SQLE: variants seen among roughly 807,000 people sequenced by gnomAD.
SQLE encodes squalene epoxidase.
A neutral mutation model predicts 60.7 loss-of-function variants in SQLE; 29 were observed. That is an observed-to-expected ratio of 0.48 (90% CI 0.36 to 0.65). The LOEUF (loss-of-function observed/expected upper bound fraction) is 0.65. SQLE is among the 30% of genes least tolerant of loss of function. SQLE has a pLI of 0.00. For missense variants in SQLE, 605 were observed against 684.1 expected, an observed-to-expected ratio of 0.88 and a Z score of 1.29; for synonymous variants, 237 against 246.8, an observed-to-expected ratio of 0.96 and a Z score of 0.37.
chr8:125,015,734 CCTTTT>C (rs1815100803), intron 7 of SQLE, among the ~76,000 whole-genome samples: 1 of 152,082 alleles, frequency 6.6e-6, no homozygotes, highest in African/African-American at 2.4e-5. Flanking sequence ...TCGTTAAGGT[CCTTTT>C]CTTTTAGATT....
intron 8 of SQLE, 73 bp downstream of exon 8, chr8:125,018,274 G>C: frequency 6.8e-7 from 1 of 1,475,614 alleles, no homozygotes; most frequent in Non-Finnish European, 9.3e-7. Flanking sequence ...GTGGGGCTCT[G>C]ATGGGGAGAT....
intron 6 of SQLE, chr8:125,010,938 T>G (rs946816718): frequency 6.6e-5 from 10 of 152,070 alleles, no homozygotes; most frequent in Non-Finnish European, 1.0e-4. Flanking sequence ...TGCTCCTCTA[T>G]TCCCAGATCA....
intron 3 of SQLE, 91 bp downstream of exon 3, chr8:125,005,796 A>G: frequency 8.7e-7 from 1 of 1,150,530 alleles, no homozygotes; most frequent in Non-Finnish European, 1.2e-6. Context: ...AATTTTAATG[A>G]ATTTTTGGGG....
chr8:125,020,389 C>T (rs145008716), intron 9 of SQLE, among the ~76,000 whole-genome samples: 435 of 152,280 alleles, frequency 2.9e-3, no homozygotes, highest in African/African-American at 9.7e-3. Context: ...GCTCTCTTCA[C>T]TTGATAATTT....
At chr8:125,012,469 C>A (rs1302854483) in intron 7 of SQLE, among the ~76,000 whole-genome samples, 2 of 152,150 alleles carry the variant, frequency 1.3e-5, no homozygotes, top group Non-Finnish European at 2.9e-5. Context: ...CTTTCTGTGT[C>A]TAGATTTGTC....
chr8:125,020,644 G>C (rs1448875982), intron 9 of SQLE, 140 bp from the exon 10 acceptor site: 1 of 586,174 alleles, frequency 1.7e-6, no homozygotes, highest in Admixed American at 2.8e-5. Flanking sequence ...AAGAAATCCT[G>C]GTTGTTGAAA....
chr8:125,017,902 T>C (rs1254505551), intron 7 of SQLE, 157 bp from the exon 8 acceptor site: 6 of 843,366 alleles, frequency 7.1e-6, no homozygotes, highest in Middle Eastern at 3.6e-4. Context: ...ACTCTTGAAT[T>C]TTTGCCTCAG....
chr8:125,003,934 C>T (rs13263702), intron 2 of SQLE, among the ~76,000 whole-genome samples: 27,798 of 151,708 alleles, frequency 0.18, 3,033 homozygotes, highest in Middle Eastern at 0.34. Flanking sequence ...CACAAAGAAG[C>T]AAGCCCTCCC....
At position 125,016,473 on chromosome 8, in the gene SQLE, G is replaced by T. The variant is rs1333454254; in HGVS notation, c.1205-1586G>T. On this transcript the variant is annotated intron_variant, in intron 7 of 10. Transcript: ENST00000265896. The surrounding 1 kb of genome is among the most constrained non-coding windows in gnomAD (Gnocchi z 4.1). Reference sequence around the variant, plus strand: ...TCTTTTAAATTATTTCAGTTGTTTTGTTAAACTTACCTGATAGCATTCTGA... The same window carrying T: ...TCTTTTAAATTATTTCAGTTGTTTTTTTAAACTTACCTGATAGCATTCTGA... 6.6e-6 allele frequency among the ~76,000 whole-genome samples: 1 copy of T among 151,914 alleles called. No homozygotes were observed. The highest frequency in any genetic ancestry group is 1.9e-4 in the East Asian group (1 of 5,190).
chr8:125,007,796 T>C (rs1814978294), intron 4 of SQLE, among the ~76,000 whole-genome samples: 1 of 152,216 alleles, frequency 6.6e-6, no homozygotes, highest in Non-Finnish European at 1.5e-5. Context: ...GTGTTATTTA[T>C]CAAATGAACT....
At position 125,003,437 on chromosome 8, in the gene SQLE, A is replaced by G. The variant is rs1384254911; in HGVS notation, c.544+9A>G. Reference sequence around the variant, plus strand: ...AGACCTTGGTCTTGGAGGTAGGTTCATATTGATTTTCAGGAGAGTTACGTG... The same window carrying G: ...AGACCTTGGTCTTGGAGGTAGGTTCGTATTGATTTTCAGGAGAGTTACGTG... On this transcript the variant is annotated intron_variant, in intron 2 of 10. Coordinates refer to ENST00000265896, the MANE Select transcript of SQLE (RefSeq NM_003129.4). 2 of 1,613,038 alleles carry G rather than the reference A, an allele frequency of 1.2e-6. No homozygotes were observed. Among genetic ancestry groups the G allele is most frequent in the African/African-American group, 1.3e-5 (1 of 74,976 alleles).
chr8:125,021,669 G>C (rs1815207514), intron 10 of SQLE, 84 bp from the exon 11 acceptor site: 1 of 979,960 alleles, frequency 1.0e-6, no homozygotes, highest in East Asian at 2.7e-5. Context: ...TGTTTGTTGA[G>C]CTTCGTAGAT....
chr8:124,998,654 G>C lies in SQLE; in HGVS notation c.-750G>C. Reference sequence around the variant, plus strand: ...CGCCGCCATCTGAGGGAGGTACCCTGGAAACCACCTTTTATCGGTGGGGAA... The same window carrying C: ...CGCCGCCATCTGAGGGAGGTACCCTCGAAACCACCTTTTATCGGTGGGGAA... On this transcript the variant is annotated 5_prime_UTR_variant, in exon 1 of 11. Transcript: ENST00000265896. 3 of 670,252 alleles carry C rather than the reference G, an allele frequency of 4.5e-6. No individual in the cohort carries two copies. Among genetic ancestry groups the C allele is most frequent in the Non-Finnish European group, 8.1e-6 (3 of 369,168 alleles). 41.5% of individuals were successfully genotyped at this position (670,252 alleles called of 1,614,324 possible).
chr8:125,007,160 CTTTTTAAAATA>C (rs1426624236), intron 3 of SQLE, among the ~76,000 whole-genome samples: 1 of 151,952 alleles, frequency 6.6e-6, no homozygotes, highest in Non-Finnish European at 1.5e-5. Flanking sequence ...TCCAATGTTA[CTTTTTAAAATA>C]TTTTTAAAAT....
chr8:125,012,257 A>G (rs1344573587), intron 7 of SQLE, among the ~76,000 whole-genome samples: 1 of 152,316 alleles, frequency 6.6e-6, no homozygotes, highest in East Asian at 1.9e-4. Flanking sequence ...TCTTGTTACT[A>G]ACTTTATTGA....
intron 2 of SQLE, among the ~76,000 whole-genome samples, chr8:125,004,904 T>G (rs1352093182): frequency 6.6e-6 from 1 of 152,176 alleles, no homozygotes; most frequent in Non-Finnish European, 1.5e-5. Flanking sequence ...TTTTACATGA[T>G]TCTGATGAAT....
intron 7 of SQLE, among the ~76,000 whole-genome samples, chr8:125,013,503 C>G (rs1815069779): frequency 6.6e-6 from 1 of 151,974 alleles, no homozygotes; most frequent in Non-Finnish European, 1.5e-5. Flanking sequence ...TAGGTGCTCG[C>G]CACCGTGCCC....
At chr8:125,017,623 C>CTGG (rs1256737803) in intron 7 of SQLE, among the ~76,000 whole-genome samples, 2 of 152,192 alleles carry the variant, frequency 1.3e-5, no homozygotes, top group African/African-American at 4.8e-5. Flanking sequence ...ACTGGCCAAG[C>CTGG]TGGTACCCAG....
chr8:125,021,910 C>G lies in SQLE; in HGVS notation c.1690C>G (p.Leu564Val). The G allele has an allele frequency of 6.2e-7, 1 of 1,606,616 alleles. No individual in the cohort carries two copies. Among genetic ancestry groups the G allele is most frequent in the South Asian group, 1.1e-5 (1 of 89,720 alleles). ...LYKACSVIFP[L>V]IYSEMKYMVH ...CAAAGCGTGTTCTGTAATATTTCCT[C>G]TAATTTACTCAGAAATGAAGTATAT... The change falls in exon 11 of 11, where the codon CTA becomes GTA. Residue 564 changes from leucine (L) to valine (V), a missense_variant. Physicochemically the swap from Leu to Val is conservative, Grantham distance 32 (BLOSUM62 1). Transcript: ENST00000265896.
Sources: gnomAD v4.1 joint callset for allele counts (sites outside exome capture counted in the v4.1 genomes callset) on GRCh38, gnomAD v4.1.1 for gene constraint, Gnocchi (gnomAD v3.1) non-coding constraint, MANE v1.5 for transcripts, NCBI Gene and HGNC (gene_info 2026-07-23, HGNC 2026-07-21) for gene names.